Variants in ESPNL observed in about 807,000 individuals in gnomAD.
ESPNL encodes the protein espin-like protein.
ESPNL carries 49 observed loss-of-function variants against 46.8 expected under a neutral mutation model. The ratio of observed to expected loss-of-function variants is 1.05; its 90% CI spans 0.83 to 1.33. ESPNL has a LOEUF of 1.33. Among genes scored for constraint, ESPNL ranks in the 40% most tolerant of loss-of-function variants. The pLI, the probability that ESPNL is intolerant of heterozygous loss-of-function variation, is 0.00. For missense variants in ESPNL, 1,540 were observed against 1,436.6 expected (o/e 1.07, Z -1.16); for synonymous variants, 664 against 662.1 (o/e 1.00, Z -0.04).
rs1248081558 is a variant in ESPNL at position 238,114,226 on chromosome 2, C to T, written c.856-2677C>T. Among the ~76,000 whole-genome samples, 1 of 152,152 alleles carries T rather than the reference C, an allele frequency of 6.6e-6. No individual in the cohort carries two copies. The highest frequency in any genetic ancestry group is 2.4e-5 in the African/African-American group (1 of 41,436). On this transcript the variant is annotated intron_variant, in intron 4 of 8. Coordinates refer to ENST00000343063, the MANE Select transcript of ESPNL (RefSeq NM_194312.4). This position sits in a 1 kb window ranked among gnomAD's most constrained non-coding sequence, Gnocchi z 5.0. ...TCCGTCACTCTGGGGGAGAGGTTCC[C>T]TTCCTCCTCCCCATGGCTCTGTTCC...
chr2:238,126,921 C>CTGTGTCTGTGATTGTGTCTG (rs1553574025), intron 6 of ESPNL, among the ~76,000 whole-genome samples: 2,294 of 146,744 alleles, frequency 0.016, 61 homozygotes, highest in African/African-American at 0.053. Context: ...ATGATCGTGT[C>CTGTGTCTGTGATTGTGTCTG]TGTGTGTCTG....
chr2:238,126,885 CTGTGTGAT>C (rs1232715452), intron 6 of ESPNL, among the ~76,000 whole-genome samples: 2 of 118,076 alleles, frequency 1.7e-5, no homozygotes, highest in Non-Finnish European at 3.4e-5. Context: ...GTCTGTATGT[CTGTGTGAT>C]TGTGTGATTG....
Position 238,101,200 on chromosome 2 carries a change from C to T in ESPNL, c.294+487C>T, listed in dbSNP as rs187499980. 3.3e-4 allele frequency among the ~76,000 whole-genome samples: 50 copies of T among 152,278 alleles called. No homozygotes were observed. The Middle Eastern group carries it at 0.01, about 31-fold the overall frequency. On this transcript the variant is annotated intron_variant, in intron 1 of 8. Transcript: ENST00000343063. ...GCCTGCCCAGTCCCCTTTGTGCAGG[C>T]GAGGCCCTTAGAGCTGTCGCTCAGC...
chr2:238,128,517 C>CT (rs1422833251), intron 7 of ESPNL, among the ~76,000 whole-genome samples, 190 bp from the exon 8 acceptor site: 2 of 152,186 alleles, frequency 1.3e-5, no homozygotes, highest in Admixed American at 6.5e-5. Context: ...AGTCCCTCCC[C>CT]TCTGAGGCCT....
intron 5 of ESPNL, among the ~76,000 whole-genome samples, chr2:238,117,773 G>T (rs953676845): frequency 6.6e-6 from 1 of 152,210 alleles, no homozygotes; most frequent in Admixed American, 6.5e-5. Flanking sequence ...ATGCATGAGG[G>T]TGAGCAGAGG....
chr2:238,127,496 G>C (rs1469611565), intron 6 of ESPNL, 126 bp from the exon 7 acceptor site: 4 of 1,419,638 alleles, frequency 2.8e-6, no homozygotes, highest in Non-Finnish European at 3.7e-6. Context: ...GGGTGGGCTG[G>C]GGTCAGCTCC....
Position 238,102,049 on chromosome 2 carries a change from C to T in ESPNL, c.403C>T (p.Arg135Trp), listed in dbSNP as rs34878344. Residue 135 changes from arginine (R) to tryptophan (W), a missense_variant, in exon 2 of 9, where the codon CGG becomes TGG. Physicochemically the swap from Arg to Trp is moderately radical, Grantham distance 101. Coordinates refer to ENST00000343063, the MANE Select transcript of ESPNL (RefSeq NM_194312.4). ...HEGHSATLET[R>W]EGARPLHHAA... ...GGGCCACTCGGCCACGCTAGAGACCCGGGAGGGAGCCCGGCCGCTGCACCA... is the reference window on the plus strand; with the variant it reads ...GGGCCACTCGGCCACGCTAGAGACCTGGGAGGGAGCCCGGCCGCTGCACCA... 31 of 1,600,640 alleles carry T rather than the reference C, an allele frequency of 1.9e-5. No individual in the cohort carries two copies. Among genetic ancestry groups the T allele is most frequent in the African/African-American group, 4.0e-5 (3 of 74,636 alleles).
intron 5 of ESPNL, among the ~76,000 whole-genome samples, chr2:238,117,687 A>G (rs1691846817): frequency 6.6e-6 from 1 of 152,256 alleles, no homozygotes; most frequent in Admixed American, 6.5e-5. Flanking sequence ...ACTGGTCCCC[A>G]GCCCTTAGAA....
At chr2:238,123,827 G>C (rs1184220523) in intron 5 of ESPNL, among the ~76,000 whole-genome samples, 1 of 152,170 alleles carries the variant, frequency 6.6e-6, no homozygotes, top group African/African-American at 2.4e-5. Context: ...AGTGAGGTGC[G>C]TGGGGGCCGG....
intron 4 of ESPNL, among the ~76,000 whole-genome samples, chr2:238,111,222 C>A (rs765856138): frequency 1.8e-4 from 28 of 152,056 alleles, no homozygotes; most frequent in Non-Finnish European, 4.0e-4. Context: ...CTACCGTGCC[C>A]GGCCTAGTTA....
chr2:238,100,597 C>T lies in ESPNL; in HGVS notation c.178C>T (p.Gln60Ter). The change falls in exon 1 of 9, where the codon CAG becomes TAG. Residue 60 changes from glutamine (Q) to a stop codon, truncating the protein, a stop_gained. Transcript: ENST00000343063. LOFTEE classifies it high-confidence loss of function. ...CGTCAAGTTCTTGGTGCAGCGGGCC[C>T]AGCTGCCCGGCAACCAGCGGGCCCA... ...DCVKFLVQRA[Q>*]LPGNQRAHNG... 6.5e-7 allele frequency: 1 copy of T among 1,528,184 alleles called. No individual in the cohort carries two copies. The highest frequency in any genetic ancestry group is 8.8e-7 in the Non-Finnish European group (1 of 1,141,732). 94.7% of individuals were successfully genotyped at this position (1,528,184 alleles called of 1,614,324 possible). A position where few individuals can be genotyped will look rare whatever the true frequency, so the allele number is the denominator to read the frequency against.
chr2:238,127,137 T>C (rs987059747), intron 6 of ESPNL, among the ~76,000 whole-genome samples: 1 of 116,024 alleles, frequency 8.6e-6, no homozygotes, highest in Non-Finnish European at 1.8e-5. Flanking sequence ...GTCTGTGTGA[T>C]TGTGTCTGTG....
intron 4 of ESPNL, among the ~76,000 whole-genome samples, chr2:238,109,453 CA>C (rs1481772714): frequency 6.6e-6 from 1 of 152,200 alleles, no homozygotes; most frequent in Non-Finnish European, 1.5e-5. Flanking sequence ...TAGGCTCAAG[CA>C]ATCCTCCTGC....
chr2:238,130,488 T>C lies in ESPNL; in HGVS notation c.1774T>C (p.Trp592Arg), dbSNP rs757948495. The C allele has an allele frequency of 1.3e-6, 2 of 1,598,528 alleles. No individual in the cohort carries two copies. The highest frequency in any genetic ancestry group is 1.7e-6 in the Non-Finnish European group (2 of 1,172,660). The change falls in exon 9 of 9, where the codon TGG becomes CGG. Residue 592 changes from tryptophan to arginine, a missense_variant. Coordinates refer to ENST00000343063, the MANE Select transcript of ESPNL (RefSeq NM_194312.4). ...VAPGVQPLPF[W>R]CSHISRLVRS... ...CCCCGGGGTGCAGCCCCTGCCCTTC[T>C]GGTGCAGCCACATCTCCCGCCTGGT...
At position 238,124,646 on chromosome 2, in the gene ESPNL, C is replaced by T. The variant is rs549709792; in HGVS notation, c.988-624C>T. 4.3e-5 allele frequency among the ~76,000 whole-genome samples: 6 copies of T among 140,448 alleles called. 1 individual carries two copies. The highest frequency in any genetic ancestry group is 4.5e-4 in the South Asian group (2 of 4,416). The allele number at this position is 140,448 out of a possible 152,430, so 92.1% of individuals were successfully genotyped here. A position where few individuals can be genotyped will look rare whatever the true frequency, so the allele number is the denominator to read the frequency against. On this transcript the variant is annotated intron_variant, in intron 5 of 8. Transcript: ENST00000343063. The stretch of plus-strand genomic sequence containing the variant: ...ATGCGTGTGTGTGCAGGAGAGTGTA[C>T]GTGCATGTGTGCAGGAGAGTGTACA...
intron 5 of ESPNL, among the ~76,000 whole-genome samples, chr2:238,121,829 A>C (rs927301205): frequency 6.6e-6 from 1 of 152,206 alleles, no homozygotes; most frequent in Non-Finnish European, 1.5e-5. Flanking sequence ...TTTATTTTAT[A>C]TATGAGGAAA....
chr2:238,104,857 G>C lies in ESPNL; in HGVS notation c.672+15G>C, dbSNP rs1381235361. ...TCGTCTGGCTGGTAAGTGGGTGCCA[G>C]AGGTGGGAAGGGGACATCCAGGGAG... On this transcript the variant is annotated intron_variant, in intron 3 of 8. Coordinates refer to ENST00000343063, the MANE Select transcript of ESPNL (RefSeq NM_194312.4). The C allele has an allele frequency of 2.0e-6, 3 of 1,470,994 alleles. No homozygotes were observed. 91.1% of individuals were successfully genotyped at this position (1,470,994 alleles called of 1,614,324 possible). A position where few individuals can be genotyped will look rare whatever the true frequency, so the allele number is the denominator to read the frequency against.
intron 7 of ESPNL, 48 bp downstream of exon 7, chr2:238,127,782 C>T (rs62197371): frequency 7.0e-7 from 1 of 1,438,626 alleles, no homozygotes. Flanking sequence ...CCCTAGCCAG[C>T]CTCCATTCCC....
rs1692305672 is a variant in ESPNL, at chr2:238,130,865, C to T, written c.2151C>T (p.Ser717=). ...AGGAGGCCAGCGACTCTGGCATCAG[C>T]TGCGAGGAGGTGCCATCAGAGGCGG... ...DTEEASDSGI[S]CEEVPSEAGA... is the part of the protein sequence containing the mutation. Residue 717 remains serine, a synonymous_variant, in exon 9 of 9, where the codon AGC becomes AGT. Coordinates refer to ENST00000343063, the MANE Select transcript of ESPNL (RefSeq NM_194312.4). The T allele has an allele frequency of 6.4e-7, 1 of 1,555,896 alleles. No individual in the cohort carries two copies. The highest frequency in any genetic ancestry group is 1.9e-5 in the Admixed American group (1 of 52,322).
Sources: gnomAD v4.1 joint callset for allele counts (sites outside exome capture counted in the v4.1 genomes callset) on GRCh38, gnomAD v4.1.1 for gene constraint, Gnocchi (gnomAD v3.1) non-coding constraint, MANE v1.5 for transcripts, NCBI Gene and HGNC (gene_info 2026-07-23, HGNC 2026-07-21) for gene names.